UNC79: variants seen among roughly 807,000 people sequenced by gnomAD.
UNC79 encodes protein unc-79 homolog.
UNC79 carries 37 observed loss-of-function variants against 283.1 expected under a neutral mutation model. That is an observed-to-expected ratio of 0.13 (90% CI 0.10 to 0.17). The LOEUF is 0.17. Ranked by LOEUF, UNC79 falls within the 10% of genes least tolerant of loss-of-function variation. The pLI is 1.00. For missense variants in UNC79, 2,272 were observed against 3,211.1 expected, an observed-to-expected ratio of 0.71 and a Z score of 7.07; for synonymous variants, 1,107 against 1,200.2, an observed-to-expected ratio of 0.92 and a Z score of 1.61.
At chr14:93,373,972 G>A (rs756200833) in intron 1 of UNC79, among the ~76,000 whole-genome samples, 4 of 152,152 alleles carry the variant, frequency 2.6e-5, no homozygotes, top group Non-Finnish European at 5.9e-5. Flanking sequence ...AATTCTGCAG[G>A]CTTGAAAAAA....
At chr14:93,546,031 C>T (rs2141241505) in intron 14 of UNC79, among the ~76,000 whole-genome samples, 1 of 152,190 alleles carries the variant, frequency 6.6e-6, no homozygotes, top group Middle Eastern at 3.4e-3. Context: ...GGACATGGCT[C>T]CAGGTGGAGC....
chr14:93,557,113 T>G (rs2062217249), intron 14 of UNC79, among the ~76,000 whole-genome samples: 1 of 152,200 alleles, frequency 6.6e-6, no homozygotes. Context: ...CATCTCTATA[T>G]AAAAGCTAAG....
intron 48 of UNC79, 50 bp from the exon 52 acceptor site, chr14:93,706,654 G>C: frequency 6.2e-7 from 1 of 1,607,080 alleles, no homozygotes; most frequent in South Asian, 1.1e-5. Flanking sequence ...ACACTCCCTG[G>C]GTTGCCCGTG....
chr14:93,414,085 G>A (rs2140055154), intron 1 of UNC79, among the ~76,000 whole-genome samples: 1 of 152,130 alleles, frequency 6.6e-6, no homozygotes, highest in African/African-American at 2.4e-5. Flanking sequence ...TGGTGTTTTA[G>A]ACACGAAGTC....
intron 29 of UNC79, among the ~76,000 whole-genome samples, chr14:93,620,168 A>C (rs934066694): frequency 6.6e-6 from 1 of 152,254 alleles, no homozygotes; most frequent in African/African-American, 2.4e-5. Flanking sequence ...GGGATTCATG[A>C]GATCCGTAAT....
At chr14:93,659,227 G>T (rs928773005) in exon 39 of UNC79, 1 of 1,611,300 alleles carries the variant, frequency 6.2e-7, no homozygotes, top group Non-Finnish European at 8.5e-7. Flanking sequence ...ATTATGATTT[G>T]CCTCTTGAAG....
In UNC79 at chr14:93,688,797, T is replaced by C; in HGVS notation, c.7042T>C (p.Tyr2348His). 1 of 1,613,958 alleles carries C rather than the reference T, an allele frequency of 6.2e-7. No homozygotes were observed. Among genetic ancestry groups the C allele is most frequent in the Non-Finnish European group, 8.5e-7 (1 of 1,179,998 alleles). ...CAGAGATAACAAAGCTGTGATCCGC[T>C]ATCTGCCTTGGCTTTATCATCCCCC... The change falls in exon 44 of 49, where the codon TAT becomes CAT. Residue 2348 changes from tyrosine (Y) to histidine (H), a missense_variant. This residue lies in a region of UNC79 where 225 missense variants were observed against 334.2 expected (regional missense o/e 0.67). Transcript: ENST00000555664. This position sits in a 1 kb window ranked among gnomAD's most constrained non-coding sequence, Gnocchi z 4.0.
chr14:93,646,167 A>G (rs1226458391), intron 34 of UNC79, among the ~76,000 whole-genome samples: 1 of 152,146 alleles, frequency 6.6e-6, no homozygotes, highest in Non-Finnish European at 1.5e-5. Context: ...ATTTCAACCC[A>G]ACAGCTGACA....
Position 93,690,271 on chromosome 14 carries a change from G to A in UNC79, c.7240G>A (p.Val2414Ile). ...CTCCCACGTTGCAGACCATCTTATT[G>A]TTATCCTGATTGGATTTCCAGAGCA... Residue 2414 changes from valine to isoleucine, a missense_variant, in exon 45 of 49, where the codon GTT (valine) becomes ATT (isoleucine). Coordinates refer to ENST00000555664, the Ensembl canonical transcript of UNC79. This position sits in a 1 kb window ranked among gnomAD's most constrained non-coding sequence, Gnocchi z 4.3. The A allele has an allele frequency of 6.2e-7, 1 of 1,613,942 alleles. No individual in the cohort carries two copies. Among genetic ancestry groups the A allele is most frequent in the Non-Finnish European group, 8.5e-7 (1 of 1,179,978 alleles).
chr14:93,635,825 G>A (rs2068463098), intron 31 of UNC79, among the ~76,000 whole-genome samples: 1 of 152,208 alleles, frequency 6.6e-6, no homozygotes, highest in Admixed American at 6.5e-5. Context: ...AGGGAGAGAA[G>A]GAGAAAGACT....
chr14:93,689,043 C>G (rs959653789), intron 44 of UNC79: 5 of 524,234 alleles, frequency 9.5e-6, no homozygotes, highest in Non-Finnish European at 1.2e-5. Flanking sequence ...AAAAATAAAC[C>G]TGTCCTCCCA....
At chr14:93,533,107 A>G (rs563910290) in intron 11 of UNC79, among the ~76,000 whole-genome samples, 1 of 152,178 alleles carries the variant, frequency 6.6e-6, no homozygotes, top group Non-Finnish European at 1.5e-5. Flanking sequence ...AACCACCTCC[A>G]TCTTCTCTTC....
In UNC79 at chr14:93,540,651, C is replaced by T. The variant is rs1351220442; in HGVS notation, c.1353-9C>T. 1 of 1,610,476 alleles carries T rather than the reference C, an allele frequency of 6.2e-7. No homozygotes were observed. The highest frequency in any genetic ancestry group is 8.5e-7 in the Non-Finnish European group (1 of 1,179,630). The stretch of plus-strand genomic sequence containing the variant: ...CAGTCTAACTTGAAATCACACTGCT[C>T]TTTGGCAGCTTGTTGAAAGAAGCCG... On this transcript the variant is annotated splice_polypyrimidine_tract_variant and intron_variant, in intron 12 of 48. Coordinates refer to ENST00000555664, the Ensembl canonical transcript of UNC79.
At chr14:93,338,462 C>T (rs1042834453) in intron 1 of UNC79, among the ~76,000 whole-genome samples, 17 of 152,064 alleles carry the variant, frequency 1.1e-4, no homozygotes, top group East Asian at 1.9e-4. Context: ...AACACAAAAA[C>T]GGACTAACAC....
chr14:93,447,914 C>T (rs1220615401), intron 1 of UNC79, among the ~76,000 whole-genome samples: 3 of 152,152 alleles, frequency 2.0e-5, no homozygotes, highest in Middle Eastern at 3.4e-3. Context: ...AAGATCTGCT[C>T]TTTATTTTTG....
At chr14:93,578,172 A>G in intron 18 of UNC79, 109 bp downstream of exon 18, 1 of 1,089,916 alleles carries the variant, frequency 9.2e-7, no homozygotes. Flanking sequence ...AAAATGATTC[A>G]GCATCACCCA....
intron 14 of UNC79, among the ~76,000 whole-genome samples, chr14:93,557,268 T>C (rs1595860057): frequency 6.6e-6 from 1 of 152,290 alleles, no homozygotes; most frequent in East Asian, 1.9e-4. Context: ...TTGTTATGGG[T>C]ATTGGGACAT....
intron 5 of UNC79, among the ~76,000 whole-genome samples, chr14:93,488,098 A>C (rs1951721): frequency 6.6e-6 from 1 of 152,132 alleles, no homozygotes; most frequent in Non-Finnish European, 1.5e-5. Context: ...GGCTACCCCA[A>C]TACACCCAAG....
chr14:93,502,602 A>C (rs1012857302), intron 7 of UNC79, among the ~76,000 whole-genome samples: 1 of 152,232 alleles, frequency 6.6e-6, no homozygotes, highest in Non-Finnish European at 1.5e-5. Context: ...GAAATTATTT[A>C]GCAATTTTCC....
Sources: allele counts gnomAD v4.1 joint callset (sites outside exome capture counted in the v4.1 genomes callset), GRCh38; gene constraint gnomAD v4.1.1; regional missense constraint gnomAD v4.1.1; non-coding constraint Gnocchi (gnomAD v3.1); transcripts MANE v1.5; gene names NCBI Gene and HGNC (gene_info 2026-07-23, HGNC 2026-07-21).